PLEKHA5: variants seen among roughly 807,000 people sequenced by gnomAD.
PLEKHA5 encodes pleckstrin homology domain-containing family A member 5.
Under a neutral mutation model 181.9 loss-of-function variants are expected in PLEKHA5, and 55 were observed. The observed-to-expected ratio is 0.30, with a 90% CI of 0.24 to 0.38. The LOEUF is 0.38. PLEKHA5 is among the 10% of genes least tolerant of loss of function. PLEKHA5 has a pLI of 1.00. For synonymous variants in PLEKHA5, 535 were observed against 529.4 expected, an observed-to-expected ratio of 1.01 and a Z score of -0.15; for missense variants, 1,432 against 1,549.5, an observed-to-expected ratio of 0.92 and a Z score of 1.27.
chr12:19,310,021 A>T (rs887788292), intron 15 of PLEKHA5, among the ~76,000 whole-genome samples: 9 of 152,196 alleles, frequency 5.9e-5, no homozygotes, highest in Non-Finnish European at 1.0e-4. Flanking sequence ...GTAATGCCTG[A>T]ATCATACATT....
chr12:19,304,358 T>C lies in PLEKHA5; in HGVS notation c.2038-10456T>C, dbSNP rs570521257. Among the ~76,000 whole-genome samples, 6 of 152,332 alleles carry C rather than the reference T, an allele frequency of 3.9e-5. No individual in the cohort carries two copies. In the South Asian group the frequency reaches 1.2e-3, roughly 32 times the overall value. ...AGGTGGAGGTTGCAGTGAGCTGAGA[T>C]TGCGCCATTGCACATCAGCTTTTAA... On this transcript the variant is annotated intron_variant, in intron 15 of 31. Coordinates refer to ENST00000429027, the MANE Select transcript of PLEKHA5 (RefSeq NM_001256470.2).
At chr12:19,311,589 G>T (rs531089421) in intron 15 of PLEKHA5, among the ~76,000 whole-genome samples, 1 of 152,056 alleles carries the variant, frequency 6.6e-6, no homozygotes, top group Non-Finnish European at 1.5e-5. Context: ...TTTATCTCAA[G>T]AAACTACTTT....
At chr12:19,209,722 A>G (rs2056523872) in intron 3 of PLEKHA5, among the ~76,000 whole-genome samples, 1 of 152,242 alleles carries the variant, frequency 6.6e-6, no homozygotes, top group African/African-American at 2.4e-5. Context: ...GGTTTAGTCA[A>G]AGCAAAAGTG....
rs1386644642 is a variant in PLEKHA5 at position 19,343,426 on chromosome 12, C to T, written c.2654C>T (p.Thr885Ile). The T allele has an allele frequency of 6.3e-7, 1 of 1,576,296 alleles. No homozygotes were observed. Residue 885 changes from threonine (T) to isoleucine (I), a missense_variant, in exon 22 of 32, where the codon ACA (threonine) becomes ATA (isoleucine). Physicochemically the swap from Thr to Ile is moderately conservative, Grantham distance 89. Coordinates refer to ENST00000429027, the MANE Select transcript of PLEKHA5 (RefSeq NM_001256470.2). ...LSKHKQQRGT[T>I]EIGMIGSKPF... The stretch of plus-strand genomic sequence containing the variant: ...AAACATAAGCAGCAAAGAGGTACTA[C>T]AGAAATAGGTAAATTAGCTTTGCAT...
intron 30 of PLEKHA5, among the ~76,000 whole-genome samples, chr12:19,367,692 G>C (rs573293579): frequency 1.3e-5 from 2 of 151,796 alleles, no homozygotes; most frequent in Admixed American, 1.3e-4. Context: ...CCATTCTTCT[G>C]CCTCAGCCTC....
chr12:19,299,560 T>G (rs531904234), intron 15 of PLEKHA5, among the ~76,000 whole-genome samples: 1 of 152,368 alleles, frequency 6.6e-6, no homozygotes, highest in South Asian at 2.1e-4. Flanking sequence ...TATTGTATAA[T>G]AGTCTTGGAT....
intron 3 of PLEKHA5, among the ~76,000 whole-genome samples, chr12:19,192,749 TA>T (rs1445366031): frequency 1.1e-4 from 16 of 152,166 alleles, no homozygotes; most frequent in Admixed American, 1.3e-4. Context: ...CTAAAATTAG[TA>T]AACCTAATCA....
intron 3 of PLEKHA5, among the ~76,000 whole-genome samples, chr12:19,140,489 T>C (rs568363442): frequency 6.6e-6 from 1 of 152,204 alleles, no homozygotes; most frequent in South Asian, 2.1e-4. Context: ...CTGAACTACT[T>C]AGGAATTATG....
intron 15 of PLEKHA5, among the ~76,000 whole-genome samples, chr12:19,303,319 C>T (rs1019430054): frequency 6.6e-6 from 1 of 152,084 alleles, no homozygotes; most frequent in Admixed American, 6.6e-5. Context: ...ATATGAATGA[C>T]CATCTTGGCT....
In PLEKHA5 at chr12:19,172,517, A is replaced by G. The variant is rs560610444; in HGVS notation, c.227+40067A>G. 3.3e-5 allele frequency among the ~76,000 whole-genome samples: 5 copies of G among 152,372 alleles called. No homozygotes were observed. The South Asian group carries it at 8.3e-4, about 25-fold the overall frequency. ...AAGAAGATATACAGATTGCAAATAC[A>G]TACTTGAAAATCTGCGCAACATCAG... On this transcript the variant is annotated intron_variant, in intron 3 of 31. Transcript: ENST00000429027.
intron 11 of PLEKHA5, among the ~76,000 whole-genome samples, 173 bp from the exon 12 acceptor site, chr12:19,283,107 A>G (rs2076523991): frequency 8.1e-6 from 1 of 123,380 alleles, no homozygotes; most frequent in African/African-American, 3.1e-5. Context: ...AGATCACGCC[A>G]TTGCACTCCA....
intron 15 of PLEKHA5, among the ~76,000 whole-genome samples, chr12:19,296,079 C>G (rs1403538524): frequency 1.3e-5 from 2 of 151,108 alleles, no homozygotes; most frequent in African/African-American, 4.9e-5. Flanking sequence ...ACTAAAAACA[C>G]AAAAATTAGC....
At chr12:19,327,505 G>C (rs1194067451) in intron 20 of PLEKHA5, among the ~76,000 whole-genome samples, 2 of 151,596 alleles carry the variant, frequency 1.3e-5, no homozygotes, top group Admixed American at 1.3e-4. Flanking sequence ...AACCTTTGTC[G>C]GATGGGTAGT....
At chr12:19,282,667 CAA>C (rs2076431854) in intron 11 of PLEKHA5, among the ~76,000 whole-genome samples, 1 of 152,030 alleles carries the variant, frequency 6.6e-6, no homozygotes, top group South Asian at 2.1e-4. Flanking sequence ...TATATAAAAA[CAA>C]ATAAAATATA....
At chr12:19,176,904 G>A (rs923151152) in intron 3 of PLEKHA5, among the ~76,000 whole-genome samples, 1 of 151,664 alleles carries the variant, frequency 6.6e-6, no homozygotes, top group African/African-American at 2.4e-5. Context: ...TCACTCTGTC[G>A]CCAGGCTGGA....
At chr12:19,306,736 C>T (rs1315593761) in intron 15 of PLEKHA5, 2 of 1,204,904 alleles carry the variant, frequency 1.7e-6, no homozygotes, top group Non-Finnish European at 1.2e-6. Context: ...ACACCTCTTC[C>T]CGCCGGATAA....
At position 19,257,604 on chromosome 12, in the gene PLEKHA5, C is replaced by G. The variant is rs11829118; in HGVS notation, c.537+67C>G. 3 of 829,414 alleles carry G rather than the reference C, an allele frequency of 3.6e-6. No individual in the cohort carries two copies. The African/African-American group carries it at 5.3e-5, about 15-fold the overall frequency. 51.4% of individuals were successfully genotyped at this position (829,414 alleles called of 1,614,324 possible). On this transcript the variant is annotated intron_variant, in intron 6 of 31. Coordinates refer to ENST00000429027, the MANE Select transcript of PLEKHA5 (RefSeq NM_001256470.2). ...AAGGAACCTTTTAAACTGAATGTAC[C>G]TAAGACAATTCTATAAAATCATAAA...
chr12:19,178,941 T>C (rs767153117), intron 3 of PLEKHA5, among the ~76,000 whole-genome samples: 11 of 152,226 alleles, frequency 7.2e-5, no homozygotes, highest in African/African-American at 9.6e-5. Flanking sequence ...AAATCATGTA[T>C]GTCCTAGTTG....
chr12:19,136,288 G>A (rs542383679), intron 3 of PLEKHA5, among the ~76,000 whole-genome samples: 1 of 152,168 alleles, frequency 6.6e-6, no homozygotes, highest in East Asian at 1.9e-4. Context: ...GTGTTTGTGT[G>A]TGTAAATACA....
Sources: gnomAD v4.1 joint callset for allele counts (sites outside exome capture counted in the v4.1 genomes callset) on GRCh38, gnomAD v4.1.1 for gene constraint, MANE v1.5 for transcripts, NCBI Gene and HGNC (gene_info 2026-07-23, HGNC 2026-07-21) for gene names.